Variants in DOC2A observed in about 807,000 individuals in gnomAD.
The protein encoded by DOC2A is double C2-like domain-containing protein alpha.
A neutral mutation model predicts 40.6 loss-of-function variants in DOC2A; 28 were observed. The observed-to-expected ratio is 0.69, with a 90% CI of 0.51 to 0.95. The LOEUF (loss-of-function observed/expected upper bound fraction) is 0.95, where lower values mean the gene tolerates loss of function less well. Ranked by LOEUF, DOC2A falls within the 40% of genes least tolerant of loss-of-function variation. The pLI, the probability that DOC2A is intolerant of heterozygous loss-of-function variation, is 0.00. For missense variants in DOC2A, 474 were observed against 552.5 expected, an observed-to-expected ratio of 0.86 and a Z score of 1.42; for synonymous variants, 241 against 236.9, an observed-to-expected ratio of 1.02 and a Z score of -0.16.
chr16:30,011,161 A>AGCGCGCACACACACGTGTGCTC, upstream of DOC2A: 1 of 652,106 alleles, frequency 1.5e-6, no homozygotes, highest in Non-Finnish European at 1.9e-6. Flanking sequence ...AGCGCACGCG[A>AGCGCGCACACACACGTGTGCTC]GCGCGCACAC....
At chr16:30,008,869 G>A (rs1489727411) in intron 5 of DOC2A, 127 bp downstream of exon 5, 1 of 719,812 alleles carries the variant, frequency 1.4e-6, no homozygotes, top group Non-Finnish European at 2.5e-6. Context: ...AAAGGGGCTA[G>A]GGAGCCGCTG....
upstream of DOC2A, among the ~76,000 whole-genome samples, chr16:30,022,278 A>G (rs1175839192): frequency 8.1e-6 from 1 of 123,102 alleles, no homozygotes; most frequent in Non-Finnish European, 1.7e-5. Context: ...AAAAAAAAAG[A>G]GTACCTGCCT....
Position 30,006,487 on chromosome 16 carries a change from A to C in DOC2A, c.983T>G (p.Leu328Arg), listed in dbSNP as rs750267367. The C allele has an allele frequency of 1.2e-6, 2 of 1,613,044 alleles. No individual in the cohort carries two copies. The highest frequency in any genetic ancestry group is 1.7e-6 in the Non-Finnish European group (2 of 1,179,748). Residue 328 changes from leucine (L) to arginine (R), a missense_variant, in exon 10 of 11, where the codon CTC (leucine) becomes CGC (arginine). Leu to Arg is a moderately radical substitution (Grantham distance 102). Transcript: ENST00000350119. This position sits in a 1 kb window ranked among gnomAD's most constrained non-coding sequence, Gnocchi z 6.2. ...CAGGGTCTTGGTGGCCAGAGTGGAG[A>C]GCTCTATCTCGTAGAAAAACTCCTA... ...FNEEFFYEIELSTLATKTLEV... is the reference protein window; with the variant it reads ...FNEEFFYEIERSTLATKTLEV...
In DOC2A at chr16:30,007,318, G is replaced by T. The variant is rs1249177613; in HGVS notation, c.528-19C>A. ...GGCGATCCTGGTCGGGAACTGCAGT[G>T]TCAGGGCCCCTGGGGTACCTGAGCC... is the stretch of plus-strand genomic sequence containing the variant. On this transcript the variant is annotated intron_variant, in intron 5 of 10. Coordinates refer to ENST00000350119, the MANE Select transcript of DOC2A (RefSeq NM_003586.3). 1.9e-6 allele frequency: 3 copies of T among 1,613,572 alleles called. No individual in the cohort carries two copies. The highest frequency in any genetic ancestry group is 1.7e-6 in the Non-Finnish European group (2 of 1,180,032).
upstream of DOC2A, among the ~76,000 whole-genome samples, chr16:30,015,958 T>C (rs1384471836): frequency 7.1e-6 from 1 of 141,318 alleles, no homozygotes; most frequent in Non-Finnish European, 1.5e-5. Context: ...GCCATCCTCC[T>C]ACCTTGGCCT....
At chr16:30,017,633 C>A (rs2070867068) in intron 1 of DOC2A, among the ~76,000 whole-genome samples, 1 of 151,806 alleles carries the variant, frequency 6.6e-6, no homozygotes, top group Non-Finnish European at 1.5e-5. Context: ...ACTGGGGACT[C>A]CAAAAAAGGG....
upstream of DOC2A, among the ~76,000 whole-genome samples, chr16:30,016,050 TA>T (rs1445943305): frequency 6.3e-3 from 166 of 26,374 alleles, no homozygotes; most frequent in East Asian, 0.038. Context: ...TATATATATA[TA>T]TATATTTTTT....
upstream of DOC2A, among the ~76,000 whole-genome samples, chr16:30,016,055 A>ATATTTTT (rs1163519904): frequency 2.4e-4 from 4 of 16,896 alleles, no homozygotes; most frequent in East Asian, 2.8e-3. Context: ...ATATATATAT[A>ATATTTTT]TTTTTTTTTT....
At chr16:30,014,561 G>A (rs999473735), upstream of DOC2A, among the ~76,000 whole-genome samples, 1 of 151,952 alleles carries the variant, frequency 6.6e-6, no homozygotes, top group Non-Finnish European at 1.5e-5. Context: ...CATGAACCCA[G>A]GAGGTAGAGC....
Position 30,010,322 on chromosome 16 carries a change from C to A in DOC2A, c.-13-87G>T. The A allele has an allele frequency of 3.2e-6, 5 of 1,546,952 alleles. No homozygotes were observed. The South Asian group carries it at 5.6e-5, about 17-fold the overall frequency. On this transcript the variant is annotated intron_variant, in intron 1 of 10. Coordinates refer to ENST00000350119, the MANE Select transcript of DOC2A (RefSeq NM_003586.3). This position sits in a 1 kb window ranked among gnomAD's most constrained non-coding sequence, Gnocchi z 4.2. ...GCGACGGCCTCCTCGGTCTGTGGGG[C>A]CCTCACTGGCCTCCCTTCCTAGGTG...
At chr16:30,008,945 A>T in intron 5 of DOC2A, 51 bp downstream of exon 5, 1 of 1,243,022 alleles carries the variant, frequency 8.0e-7, no homozygotes, top group Non-Finnish European at 1.2e-6. Flanking sequence ...AGCGGTTACA[A>T]TGTCAGCTGT....
chr16:30,016,037 ATATATATATATATATATATTTT>A (rs1342035234), upstream of DOC2A, among the ~76,000 whole-genome samples: 734 of 31,296 alleles, frequency 0.023, 4 homozygotes, highest in South Asian at 0.074. Flanking sequence ...ATATATATAT[ATATATATATATATATATATTTT>A]TTTTTTTTTT....
At chr16:30,013,603 C>CAAAAAAAAAAAAAAAAAAAA (rs61309249), upstream of DOC2A, 5 of 34,890 alleles carry the variant, frequency 1.4e-4, no homozygotes, top group African/African-American at 5.1e-4. Context: ...GACCCTGTCT[C>CAAAAAAAAAAAAAAAAAAAA]AAAAAAAAAA....
chr16:30,011,061 A>G, upstream of DOC2A: 3 of 951,602 alleles, frequency 3.2e-6, no homozygotes, highest in Non-Finnish European at 3.7e-6. Context: ...GGAGGCGAGG[A>G]TGCAGCCGGC....
At chr16:30,012,423 C>CTT (rs968752457), upstream of DOC2A, 1 of 152,148 alleles carries the variant, frequency 6.6e-6, no homozygotes, top group Non-Finnish European at 1.5e-5. Flanking sequence ...GTCGGCATCT[C>CTT]TAAGTGCTGT....
chr16:30,005,555 GC>G lies in DOC2A; in HGVS notation c.*630del. 1 of 1,030,030 alleles carries G rather than the reference GC, an allele frequency of 9.7e-7. No homozygotes were observed. Among genetic ancestry groups the G allele is most frequent in the Non-Finnish European group, 1.4e-6 (1 of 693,692 alleles). 63.8% of individuals were successfully genotyped at this position (1,030,030 alleles called of 1,614,324 possible). On this transcript the variant is annotated 3_prime_UTR_variant, in exon 11 of 11. Transcript: ENST00000350119. Reference sequence around the variant, plus strand: ...ATTGATGCCCAGCTGCCATGCTCCGGCCACTGACACAACCAGAAAAGGCGTA... The same window carrying G: ...ATTGATGCCCAGCTGCCATGCTCCGGCACTGACACAACCAGAAAAGGCGTA...
upstream of DOC2A, among the ~76,000 whole-genome samples, chr16:30,013,188 C>T (rs1318092870): frequency 7.5e-6 from 1 of 134,024 alleles, no homozygotes; most frequent in Admixed American, 7.5e-5. Flanking sequence ...AAAAAAAAAT[C>T]CAGGCATAGT....
At chr16:30,008,327 G>C (rs1227321099) in intron 5 of DOC2A, 1 of 157,042 alleles carries the variant, frequency 6.4e-6, no homozygotes, top group African/African-American at 2.4e-5. Context: ...AGGGCTCTGA[G>C]AAGGGGTCTC....
At position 30,009,488 on chromosome 16, in the gene DOC2A, A is replaced by G. The variant is rs1234575677; in HGVS notation, c.332T>C (p.Leu111Pro). Residue 111 changes from leucine (L) to proline (P), a missense_variant, in exon 3 of 11, where the codon CTC becomes CCC. By Grantham distance (98) the Leu-to-Pro change is moderately conservative (BLOSUM62 -3). Coordinates refer to ENST00000350119, the MANE Select transcript of DOC2A (RefSeq NM_003586.3). This position sits in a 1 kb window ranked among gnomAD's most constrained non-coding sequence, Gnocchi z 4.1. ...GCAGGGAGTGCCCACCTTGGCCCTGAGGATGCTACAGTGCAGAGTGCAGGA... is the reference window on the plus strand; with the variant it reads ...GCAGGGAGTGCCCACCTTGGCCCTGGGGATGCTACAGTGCAGAGTGCAGGA... ...RASCTLHCSILRAKGLKPMDF... is the reference protein window; with the variant it reads ...RASCTLHCSIPRAKGLKPMDF... The G allele has an allele frequency of 8.4e-6, 13 of 1,551,356 alleles. No individual in the cohort carries two copies. In the Admixed American group the frequency reaches 2.6e-4, roughly 30 times the overall value.
Sources: gnomAD v4.1 joint callset for allele counts (sites outside exome capture counted in the v4.1 genomes callset) on GRCh38, gnomAD v4.1.1 for gene constraint, Gnocchi (gnomAD v3.1) non-coding constraint, MANE v1.5 for transcripts, NCBI Gene and HGNC (gene_info 2026-07-23, HGNC 2026-07-21) for gene names.